The following NID1 variants were observed in gnomAD, a reference collection of about 807,000 sequenced individuals.
The protein encoded by NID1 is nidogen 1, also known as nidogen-1.
Under a neutral mutation model 130.6 loss-of-function variants are expected in NID1, and 76 were observed. The ratio of observed to expected loss-of-function variants is 0.58; its 90% CI spans 0.48 to 0.70. NID1 has a LOEUF of 0.70. Ranked by LOEUF, NID1 falls within the 30% of genes least tolerant of loss-of-function variation. The pLI is 0.00. For missense variants in NID1, 1,517 were observed against 1,664.8 expected, an observed-to-expected ratio of 0.91 and a Z score of 1.54; for synonymous variants, 665 against 675.1, an observed-to-expected ratio of 0.98 and a Z score of 0.23.
chr1:235,986,798 C>T (rs993720887), intron 14 of NID1, among the ~76,000 whole-genome samples: 5 of 152,186 alleles, frequency 3.3e-5, no homozygotes, highest in African/African-American at 9.7e-5. Flanking sequence ...CTCTCTTAAA[C>T]CATCACAACC....
intron 12 of NID1, 78 bp from the exon 13 acceptor site, chr1:235,993,950 C>A: frequency 7.3e-7 from 1 of 1,376,862 alleles, no homozygotes; most frequent in Non-Finnish European, 1.0e-6. Context: ...GCAGGAGTCC[C>A]CGCAGCTCGC....
At chr1:236,020,934 T>C (rs1212022494) in intron 9 of NID1, among the ~76,000 whole-genome samples, 1 of 152,302 alleles carries the variant, frequency 6.6e-6, no homozygotes, top group African/African-American at 2.4e-5. Flanking sequence ...TGGTGCAGAT[T>C]ACATAAAGGA....
At chr1:236,064,645 C>A (rs978756938) in intron 1 of NID1, 40 of 611,310 alleles carry the variant, frequency 6.5e-5, no homozygotes, top group Non-Finnish European at 1.2e-4. Context: ...GCCACCCAGA[C>A]CCCGCGACCC....
intron 2 of NID1, among the ~76,000 whole-genome samples, chr1:236,047,188 G>A (rs1247561599): frequency 6.6e-6 from 1 of 152,200 alleles, no homozygotes; most frequent in African/African-American, 2.4e-5. Flanking sequence ...ACTTTTCAGA[G>A]TGAACAGGGT....
At chr1:236,009,495 T>G (rs1028800269) in intron 12 of NID1, among the ~76,000 whole-genome samples, 1 of 152,192 alleles carries the variant, frequency 6.6e-6, no homozygotes, top group Admixed American at 6.5e-5. Flanking sequence ...ATTATAGAGG[T>G]AACCTCTGCC....
At chr1:235,991,158 TACACACACCC>T in intron 13 of NID1, 100 bp from the exon 14 acceptor site, 6 of 975,158 alleles carry the variant, frequency 6.2e-6, no homozygotes, top group Non-Finnish European at 8.8e-6. Flanking sequence ...TGCACACACA[TACACACACCC>T]ACACATCAGG....
intron 10 of NID1, among the ~76,000 whole-genome samples, chr1:236,014,598 C>G (rs902585276): frequency 6.6e-6 from 1 of 152,150 alleles, no homozygotes; most frequent in Non-Finnish European, 1.5e-5. Flanking sequence ...TGAGTTCTAT[C>G]ATCAGGACCC....
intron 12 of NID1, among the ~76,000 whole-genome samples, chr1:236,010,042 A>G (rs1311908267): frequency 6.6e-6 from 1 of 152,240 alleles, no homozygotes; most frequent in Non-Finnish European, 1.5e-5. Flanking sequence ...ACAAAATTGG[A>G]AACATCTGCT....
chr1:236,009,821 C>T (rs557941039), intron 12 of NID1, among the ~76,000 whole-genome samples: 3 of 152,260 alleles, frequency 2.0e-5, no homozygotes, highest in African/African-American at 4.8e-5. Flanking sequence ...CATTCTTACA[C>T]GTTTCTAGTG....
intron 12 of NID1, among the ~76,000 whole-genome samples, chr1:236,007,892 T>C (rs1658294856): frequency 6.6e-6 from 1 of 151,446 alleles, no homozygotes; most frequent in African/African-American, 2.4e-5. Context: ...TTGGGGATGA[T>C]TTGTTATGCA....
chr1:236,027,955 C>T (rs1310636119), intron 7 of NID1, among the ~76,000 whole-genome samples: 1 of 151,958 alleles, frequency 6.6e-6, no homozygotes, highest in African/African-American at 2.4e-5. Context: ...ATGAGCAAGA[C>T]ACCATCTCAA....
intron 11 of NID1, among the ~76,000 whole-genome samples, chr1:236,012,578 A>AAAAAAAG (rs1553343926): frequency 5.9e-4 from 59 of 99,422 alleles, no homozygotes; most frequent in African/African-American, 1.2e-3. Flanking sequence ...AAAAAAAAAA[A>AAAAAAAG]AAAGAAAGAA....
chr1:236,024,024 C>G lies in NID1; in HGVS notation c.2128+46G>C, dbSNP rs200261192. On this transcript the variant is annotated intron_variant, in intron 9 of 19. Transcript: ENST00000264187. ...GTTTACAGAACGTGGATGCCTCCTC[C>G]TCGCCTGATTTCCCAGCCCCAACAA... The G allele has an allele frequency of 1.9e-6, 3 of 1,607,260 alleles. No homozygotes were observed. The East Asian group carries it at 6.7e-5, about 36-fold the overall frequency.
chr1:235,979,180 C>T lies in NID1; in HGVS notation c.3510-73G>A. ...AACTTGTATCTAAACAAGGCAGCCT[C>T]TTTGTCATTTTGAGGATAAACTGGA... On this transcript the variant is annotated intron_variant, in intron 18 of 19. Transcript: ENST00000264187. The surrounding 1 kb of genome is among the most constrained non-coding windows in gnomAD (Gnocchi z 4.6). 1 of 966,848 alleles carries T rather than the reference C, an allele frequency of 1.0e-6. No individual in the cohort carries two copies. The highest frequency in any genetic ancestry group is 1.4e-5 in the South Asian group (1 of 73,098). The allele number at this position is 966,848 out of a possible 1,614,324, so 59.9% of individuals were successfully genotyped here.
In NID1 at chr1:235,993,828, C is replaced by G. The variant is rs34470198; in HGVS notation, c.2572G>C (p.Gly858Arg). The G allele has an allele frequency of 4.5e-4, 721 of 1,614,114 alleles. 2 individuals carry two copies. In the African/African-American group the frequency reaches 6.6e-3, roughly 15 times the overall value. The change falls in exon 13 of 20, where the codon GGG becomes CGG. Residue 858 changes from glycine (G) to arginine (R), a missense_variant. Transcript: ENST00000264187. ...TGTGGGTCTGTCGCCCCCGCTGCCC[C>G]GAGAATGTGTTCTCGCTCGTGCTGG... ...RCQHEREHIL[G>R]AAGATDPQRP... is the part of the protein sequence containing the mutation.
chr1:236,019,484 G>A (rs115929848), intron 9 of NID1, among the ~76,000 whole-genome samples: 2,985 of 152,244 alleles, frequency 0.02, 43 homozygotes, highest in Non-Finnish European at 0.03. Flanking sequence ...TTACGCAAGG[G>A]GAAGCTGTGT....
At chr1:236,042,434 G>A in intron 3 of NID1, 142 bp from the exon 4 acceptor site, 2 of 1,096,192 alleles carry the variant, frequency 1.8e-6, no homozygotes, top group Non-Finnish European at 2.6e-6. Context: ...AAGGGCACTG[G>A]CCGTCATGTC....
chr1:236,032,745 G>C, intron 5 of NID1, 93 bp from the exon 6 acceptor site: 1 of 1,495,404 alleles, frequency 6.7e-7, no homozygotes, highest in Non-Finnish European at 8.9e-7. Flanking sequence ...TATTGGTGAA[G>C]AAAGCAAAGA....
At chr1:236,000,886 C>T (rs12085328) in intron 12 of NID1, among the ~76,000 whole-genome samples, 9,339 of 152,148 alleles carry the variant, frequency 0.061, 952 homozygotes, top group African/African-American at 0.21. Context: ...TGGAAAGAGA[C>T]GACATGCAAC....
Sources: allele counts gnomAD v4.1 joint callset (sites outside exome capture counted in the v4.1 genomes callset), GRCh38; gene constraint gnomAD v4.1.1; non-coding constraint Gnocchi (gnomAD v3.1); transcripts MANE v1.5; gene names NCBI Gene and HGNC (gene_info 2026-07-23, HGNC 2026-07-21).